The following WNK2 variants were observed in gnomAD, a reference collection of about 807,000 sequenced individuals.
WNK2 encodes the protein serine/threonine-protein kinase WNK2.
In WNK2, 67 loss-of-function variants were observed where a neutral mutation model predicts 192.1. That is an observed-to-expected ratio of 0.35 (90% CI 0.29 to 0.43). The LOEUF (loss-of-function observed/expected upper bound fraction) is 0.43. WNK2 is among the 20% of genes least tolerant of loss of function. WNK2 has a pLI of 1.00. For synonymous variants in WNK2, 1,439 were observed against 1,393.9 expected (o/e 1.03, Z -0.72); for missense variants, 2,698 against 3,089.7 (o/e 0.87, Z 3.01).
intron 19 of WNK2, among the ~76,000 whole-genome samples, chr9:93,271,436 A>T (rs1845988564): frequency 6.6e-6 from 1 of 152,246 alleles, no homozygotes; most frequent in African/African-American, 2.4e-5. Context: ...TGACAAGACG[A>T]TGTAGATTTT....
rs753423694 is a variant in WNK2, at chr9:93,238,327, T to C, written c.1322+6T>C. ...TGCAAAAACAAGGAGGAAAGGTGAGTTCCCCTGAAGGGCTGGGTTCTGGGG... is the reference window on the plus strand; with the variant it reads ...TGCAAAAACAAGGAGGAAAGGTGAGCTCCCCTGAAGGGCTGGGTTCTGGGG... On this transcript the variant is annotated splice_donor_region_variant and intron_variant, in intron 6 of 29. Coordinates refer to ENST00000427277, the MANE Select transcript of WNK2 (RefSeq NM_006648.4). 10 of 1,598,040 alleles carry C rather than the reference T, an allele frequency of 6.3e-6. No homozygotes were observed. The Admixed American group carries it at 1.7e-4, about 27-fold the overall frequency.
intron 26 of WNK2, among the ~76,000 whole-genome samples, chr9:93,302,154 G>A (rs1449878422): frequency 6.6e-6 from 1 of 152,264 alleles, no homozygotes; most frequent in Non-Finnish European, 1.5e-5. Context: ...AGAGAAGGGA[G>A]AGCTGTGGGG....
At chr9:93,256,636 T>C in intron 10 of WNK2, 182 bp downstream of exon 10, 1 of 749,622 alleles carries the variant, frequency 1.3e-6, no homozygotes, top group South Asian at 1.9e-5. Flanking sequence ...TGTTTGTGTG[T>C]GTACGTGTGT....
intron 2 of WNK2, among the ~76,000 whole-genome samples, chr9:93,217,390 A>C (rs943078323): frequency 6.6e-6 from 1 of 152,206 alleles, no homozygotes; most frequent in Non-Finnish European, 1.5e-5. Context: ...GCACAACTTT[A>C]GTGGGAGAAG....
chr9:93,268,844 A>G (rs2133231585), intron 19 of WNK2, 98 bp downstream of exon 19: 1 of 1,576,220 alleles, frequency 6.3e-7, no homozygotes, highest in African/African-American at 1.4e-5. Flanking sequence ...GCCCAGGTCC[A>G]TGCAGGGGGC....
At chr9:93,226,061 G>C (rs1411951799) in intron 2 of WNK2, among the ~76,000 whole-genome samples, 1 of 152,230 alleles carries the variant, frequency 6.6e-6, no homozygotes, top group Non-Finnish European at 1.5e-5. Context: ...GCCTGGCTTG[G>C]TGTCCGTTTG....
rs1173298714 is a variant in WNK2, at chr9:93,247,582, G to A, written c.1582G>A (p.Val528Met). 1.2e-6 allele frequency: 2 copies of A among 1,609,578 alleles called. No individual in the cohort carries two copies. Among genetic ancestry groups the A allele is most frequent in the Non-Finnish European group, 1.7e-6 (2 of 1,178,340 alleles). The change falls in exon 8 of 30, where the codon GTG becomes ATG. Residue 528 changes from valine to methionine, a missense_variant. Val to Met is a conservative substitution (Grantham distance 21, BLOSUM62 1). Transcript: ENST00000427277. The surrounding 1 kb of genome is among the most constrained non-coding windows in gnomAD (Gnocchi z 5.2). ...CTTCCACGAGAGTGACGTCAAGATC[G>A]TGGCCAAGTCCATCCGTGACCGCGT... ...GFFHESDVKIVAKSIRDRVAL... is the reference protein window; with the variant it reads ...GFFHESDVKIMAKSIRDRVAL...
intron 26 of WNK2, among the ~76,000 whole-genome samples, chr9:93,305,960 C>T (rs116687966): frequency 0.034 from 5,124 of 152,028 alleles, 124 homozygotes; most frequent in Non-Finnish European, 0.049. Flanking sequence ...CAGGGATGGC[C>T]GTGCCTTCCG....
intron 8 of WNK2, among the ~76,000 whole-genome samples, chr9:93,251,996 A>T (rs1842665620): frequency 6.6e-6 from 1 of 152,234 alleles, no homozygotes; most frequent in Non-Finnish European, 1.5e-5. Flanking sequence ...TTTAAATTAT[A>T]AACAGACACA....
At chr9:93,272,221 T>A (rs991377872) in intron 19 of WNK2, among the ~76,000 whole-genome samples, 2 of 152,208 alleles carry the variant, frequency 1.3e-5, no homozygotes, top group Admixed American at 6.5e-5. Context: ...AATAGACTAT[T>A]CTTCTCCTCG....
chr9:93,197,089 G>A (rs567975494), intron 2 of WNK2, among the ~76,000 whole-genome samples: 2 of 152,286 alleles, frequency 1.3e-5, no homozygotes, highest in East Asian at 3.9e-4. Flanking sequence ...TTTTCATTTA[G>A]CCCCAACATT....
intron 19 of WNK2, among the ~76,000 whole-genome samples, chr9:93,278,377 C>T (rs965788647): frequency 2.6e-5 from 4 of 152,188 alleles, no homozygotes; most frequent in Admixed American, 6.5e-5. Flanking sequence ...TGACCCACCA[C>T]GAAGGATCAG....
chr9:93,202,318 G>A (rs1040157257), intron 2 of WNK2, among the ~76,000 whole-genome samples: 6 of 145,030 alleles, frequency 4.1e-5, no homozygotes, highest in Non-Finnish European at 9.0e-5. Flanking sequence ...GCTGGGCTCC[G>A]TGTGCACGTG....
intron 26 of WNK2, among the ~76,000 whole-genome samples, chr9:93,300,511 G>GT (rs976774470): frequency 4.0e-5 from 6 of 151,214 alleles, no homozygotes; most frequent in Non-Finnish European, 8.9e-5. Flanking sequence ...GTTGGATGTA[G>GT]TTTTTTTTTC....
rs1274472724 is a variant in WNK2, at chr9:93,210,324, G to A, written c.682-19372G>A. The stretch of plus-strand genomic sequence containing the variant: ...AGGGTGGGCAGGGATGGGGGACTGG[G>A]GCGTTGCTCACTGTTGGGCCCTTGC... On this transcript the variant is annotated intron_variant, in intron 2 of 29. Coordinates refer to ENST00000427277, the MANE Select transcript of WNK2 (RefSeq NM_006648.4). Among the ~76,000 whole-genome samples the A allele has an allele frequency of 2.6e-5, 4 of 152,052 alleles. No individual in the cohort carries two copies. The East Asian group carries it at 7.7e-4, about 29-fold the overall frequency.
intron 28 of WNK2, chr9:93,315,658 A>G (rs112438909): frequency 5.1e-4 from 78 of 152,310 alleles, no homozygotes; most frequent in African/African-American, 1.6e-3. Flanking sequence ...AGTGCCTCAG[A>G]CTACCTCCTC....
intron 2 of WNK2, among the ~76,000 whole-genome samples, chr9:93,211,147 T>TACTC (rs1834469691): frequency 6.9e-6 from 1 of 145,552 alleles, no homozygotes; most frequent in African/African-American, 2.6e-5. Context: ...TCCACTCACT[T>TACTC]ATTCACTCAC....
chr9:93,187,779 T>C (rs1829604866), intron 2 of WNK2, among the ~76,000 whole-genome samples: 1 of 152,028 alleles, frequency 6.6e-6, no homozygotes, highest in African/African-American at 2.4e-5. Flanking sequence ...TGGGACTGCC[T>C]GTGTGATGTC....
chr9:93,264,094 A>C (rs1844786390), intron 16 of WNK2, 61 bp downstream of exon 16: 1 of 1,275,720 alleles, frequency 7.8e-7, no homozygotes, highest in Admixed American at 1.9e-5. Context: ...GGGCCTGAGC[A>C]GAGCGCCACA....
Sources: gnomAD v4.1 joint callset for allele counts (sites outside exome capture counted in the v4.1 genomes callset) on GRCh38, gnomAD v4.1.1 for gene constraint, Gnocchi (gnomAD v3.1) non-coding constraint, MANE v1.5 for transcripts, NCBI Gene and HGNC (gene_info 2026-07-23, HGNC 2026-07-21) for gene names.